Variants in GARIN1A observed in about 807,000 individuals in gnomAD.
GARIN1A encodes the protein golgi associated RAB2 interactor 1A, also known as Golgi-associated RAB2 interactor protein 1A.
the GARIN1A span, among the ~76,000 whole-genome samples, chr7:128,707,393 A>G: frequency 3.9e-5 from 6 of 152,166 alleles, no homozygotes; most frequent in Non-Finnish European, 5.9e-5. Flanking sequence ...CTCTTTGACC[A>G]TCATCTCCTC....
the GARIN1A span, among the ~76,000 whole-genome samples, chr7:128,676,191 T>C: frequency 1.3e-5 from 2 of 151,762 alleles, no homozygotes; most frequent in Non-Finnish European, 2.9e-5. Context: ...TTTGGATTTT[T>C]AGTAGAGATG....
the GARIN1A span, among the ~76,000 whole-genome samples, chr7:128,702,606 C>G: frequency 6.6e-6 from 1 of 151,990 alleles, no homozygotes; most frequent in South Asian, 2.1e-4. Context: ...AATAACCCCC[C>G]CAAAAGGCAG....
the GARIN1A span, among the ~76,000 whole-genome samples, chr7:128,689,445 AC>A: frequency 1.4e-5 from 2 of 147,586 alleles, no homozygotes; most frequent in East Asian, 2.0e-4. Context: ...CCCGGCCGTG[AC>A]CCCGACTGGG....
the GARIN1A span, among the ~76,000 whole-genome samples, chr7:128,699,480 T>C: frequency 6.6e-6 from 1 of 152,218 alleles, no homozygotes; most frequent in Non-Finnish European, 1.5e-5. Context: ...ACTCTCCTGA[T>C]TTATAATCAC....
At chr7:128,708,179 AT>A in the GARIN1A span, among the ~76,000 whole-genome samples, 86,853 of 129,638 alleles carry the variant, frequency 0.67, 28,871 homozygotes, top group Middle Eastern at 0.78. Flanking sequence ...CACCTGGACA[AT>A]TTTTTTTTTT....
chr7:128,673,076 C>T, the GARIN1A span, among the ~76,000 whole-genome samples: 2 of 152,138 alleles, frequency 1.3e-5, no homozygotes. Flanking sequence ...TGGTCGTTTT[C>T]GTAAGTATCA....
the GARIN1A span, among the ~76,000 whole-genome samples, chr7:128,703,218 CTATTCAA>C: frequency 6.6e-6 from 1 of 152,180 alleles, no homozygotes; most frequent in African/African-American, 2.4e-5. Flanking sequence ...ATTGAACATG[CTATTCAA>C]TAGTAGTACA....
chr7:128,704,767 C>T, the GARIN1A span, among the ~76,000 whole-genome samples: 73 of 152,310 alleles, frequency 4.8e-4, no homozygotes, highest in African/African-American at 1.7e-3. Flanking sequence ...GATGAAGCTT[C>T]ACTCACTGCC....
the GARIN1A span, chr7:128,683,653 A>G: frequency 1.3e-5 from 2 of 152,164 alleles, no homozygotes; most frequent in Non-Finnish European, 2.9e-5. Flanking sequence ...ATTTTAGTAG[A>G]GATGGGGTTT....
At chr7:128,700,821 G>T in the GARIN1A span, among the ~76,000 whole-genome samples, 2 of 151,874 alleles carry the variant, frequency 1.3e-5, no homozygotes, top group Non-Finnish European at 2.9e-5. Flanking sequence ...CAGAAAGCAG[G>T]ATGTACTAAC....
the GARIN1A span, among the ~76,000 whole-genome samples, chr7:128,707,208 T>TTGTG: frequency 1.1e-5 from 1 of 94,780 alleles, no homozygotes; most frequent in African/African-American, 4.2e-5. Flanking sequence ...ATTATTATTA[T>TTGTG]TGTGTGTATG....
the GARIN1A span, chr7:128,675,893 A>G: frequency 1.4e-6 from 2 of 1,446,126 alleles, no homozygotes; most frequent in Non-Finnish European, 1.9e-6. Context: ...AAGGGATGGA[A>G]TGATTGACTG....
At chr7:128,698,829 C>T in the GARIN1A span, among the ~76,000 whole-genome samples, 17 of 152,114 alleles carry the variant, frequency 1.1e-4, no homozygotes, top group African/African-American at 2.4e-4. Context: ...TCAAGTGATC[C>T]GCCCCCCTCA....
chr7:128,684,724 C>T, the GARIN1A span: 3 of 150,316 alleles, frequency 2.0e-5, no homozygotes, highest in African/African-American at 4.9e-5. Context: ...CTAATGAAAA[C>T]ATGGTGAGGA....
At chr7:128,682,217 C>G in the GARIN1A span, among the ~76,000 whole-genome samples, 1 of 152,192 alleles carries the variant, frequency 6.6e-6, no homozygotes, top group African/African-American at 2.4e-5. Flanking sequence ...ACAAAGGACT[C>G]TCTCCCCACG....
At chr7:128,699,866 C>G in the GARIN1A span, among the ~76,000 whole-genome samples, 1 of 152,160 alleles carries the variant, frequency 6.6e-6, no homozygotes, top group Admixed American at 6.5e-5. Context: ...GTCAATTTCG[C>G]TTTATATAGC....
At chr7:128,679,338 G>A in the GARIN1A span, among the ~76,000 whole-genome samples, 173 of 151,970 alleles carry the variant, frequency 1.1e-3, no homozygotes, top group African/African-American at 4.1e-3. Flanking sequence ...GACTACAAGT[G>A]TGCGCCACCA....
At chr7:128,675,831 G>T in the GARIN1A span, 1 of 1,613,648 alleles carries the variant, frequency 6.2e-7, no homozygotes, top group Middle Eastern at 1.7e-4. Flanking sequence ...GAGCACACCT[G>T]GTGACGCCCC....
the GARIN1A span, chr7:128,679,885 G>A: frequency 8.6e-4 from 425 of 496,162 alleles, 2 homozygotes; most frequent in African/African-American, 7.7e-3. Flanking sequence ...GATGATTCTC[G>A]GGACTTAATG....
Sources: allele counts gnomAD v4.1 joint callset (sites outside exome capture counted in the v4.1 genomes callset), GRCh38; gene constraint gnomAD v4.1.1; transcripts MANE v1.5; gene names NCBI Gene and HGNC (gene_info 2026-07-23, HGNC 2026-07-21).